The following UBR3 variants were observed in gnomAD, a reference collection of about 807,000 sequenced individuals.
UBR3 encodes ubiquitin protein ligase E3 component n-recognin 3, also known as E3 ubiquitin-protein ligase UBR3.
A neutral mutation model predicts 243.2 loss-of-function variants in UBR3; 85 were observed. The ratio of observed to expected loss-of-function variants is 0.35; its 90% confidence interval spans 0.29 to 0.42. The LOEUF is 0.42. Among genes scored for constraint, UBR3 ranks in the 10% least tolerant of loss-of-function variants. The probability of loss-of-function intolerance (pLI) is 1.00; values close to 1 mark genes in which losing one functional copy is unlikely to be tolerated. For missense variants in UBR3, 1,686 were observed against 2,300.8 expected, an observed-to-expected ratio of 0.73 and a Z score of 5.47; for synonymous variants, 748 against 799.8, an observed-to-expected ratio of 0.94 and a Z score of 1.09.
chr2:169,874,884 AT>A (rs1449065643), intron 2 of UBR3, among the ~76,000 whole-genome samples: 1 of 152,136 alleles, frequency 6.6e-6, no homozygotes, highest in Admixed American at 6.6e-5. Flanking sequence ...TTTTAAAAAA[AT>A]TATGGTTAAG....
At chr2:169,959,914 T>G (rs994973636) in intron 24 of UBR3, among the ~76,000 whole-genome samples, 2 of 152,162 alleles carry the variant, frequency 1.3e-5, no homozygotes, top group African/African-American at 4.8e-5. Context: ...CCTCTTGTGA[T>G]GGGTTGCAGT....
At chr2:170,039,217 C>T (rs2090905261) in intron 31 of UBR3, among the ~76,000 whole-genome samples, 1 of 151,994 alleles carries the variant, frequency 6.6e-6, no homozygotes, top group Non-Finnish European at 1.5e-5. Flanking sequence ...TCACAAAAGC[C>T]AAGAAAATTT....
chr2:169,838,809 G>C (rs773989299), intron 1 of UBR3, among the ~76,000 whole-genome samples: 2 of 152,180 alleles, frequency 1.3e-5, no homozygotes, highest in African/African-American at 2.4e-5. Context: ...CAGATACGGT[G>C]AGACTCAAAG....
intron 33 of UBR3, among the ~76,000 whole-genome samples, chr2:170,056,003 C>CTTTTTTTTTTTTTTTTTTTTTTTTT (rs34415442): frequency 2.2e-5 from 2 of 88,916 alleles, no homozygotes; most frequent in African/African-American, 3.9e-5. Flanking sequence ...TCTTTTCTTT[C>CTTTTTTTTTTTTTTTTTTTTTTTTT]TTTTTTTTTT....
Position 169,890,563 on chromosome 2 carries a change from A to ATATATGTG in UBR3, c.1039-601_1039-600insATATGTGT, listed in dbSNP as rs1255881148. Among the ~76,000 whole-genome samples, 686 of 83,826 alleles carry ATATATGTG rather than the reference A, an allele frequency of 8.2e-3. 41 individuals are homozygous for ATATATGTG. The highest frequency in any genetic ancestry group is 0.011 in the African/African-American group (208 of 19,710). The allele number at this position is 83,826 out of a possible 152,430, so 55.0% of individuals were successfully genotyped here. A position where few individuals can be genotyped will look rare whatever the true frequency, so the allele number is the denominator to read the frequency against. On this transcript the variant is annotated intron_variant, in intron 5 of 38. Transcript: ENST00000272793. ...GAGATATATATATATATATATATATATGTGTATATATATATATGTATATAT... is the reference window on the plus strand; with the variant it reads ...GAGATATATATATATATATATATATATATATGTGTGTGTATATATATATATGTATATAT...
chr2:170,069,510 T>C (rs889339429), intron 35 of UBR3, among the ~76,000 whole-genome samples: 2 of 152,104 alleles, frequency 1.3e-5, no homozygotes, highest in African/African-American at 4.8e-5. Flanking sequence ...TTATTAAATA[T>C]AGTCATCATG....
At chr2:170,001,682 G>A (rs1345085860) in intron 27 of UBR3, among the ~76,000 whole-genome samples, 1 of 151,928 alleles carries the variant, frequency 6.6e-6, no homozygotes, top group East Asian at 1.9e-4. Flanking sequence ...GATCACTTGA[G>A]GTCAGGAGTT....
intron 24 of UBR3, among the ~76,000 whole-genome samples, chr2:169,962,722 AT>A (rs1446812421): frequency 6.6e-6 from 1 of 150,846 alleles, no homozygotes; most frequent in East Asian, 1.9e-4. Context: ...TTCTCTAAAA[AT>A]CTTTCTGAAA....
At chr2:169,956,207 TC>T (rs1353396218) in intron 23 of UBR3, among the ~76,000 whole-genome samples, 1 of 130,064 alleles carries the variant, frequency 7.7e-6, no homozygotes, top group Non-Finnish European at 1.8e-5. Context: ...CCTATAACTC[TC>T]TCTCTCTCTC....
At chr2:169,971,587 T>C (rs1313137766) in intron 24 of UBR3, among the ~76,000 whole-genome samples, 1 of 152,152 alleles carries the variant, frequency 6.6e-6, no homozygotes. Context: ...TAGGGAATCC[T>C]TTCCCCATTG....
intron 8 of UBR3, among the ~76,000 whole-genome samples, chr2:169,903,494 T>C (rs1559077596): frequency 6.6e-6 from 1 of 152,216 alleles, no homozygotes; most frequent in South Asian, 2.1e-4. Context: ...TACTTCCTCA[T>C]TGAGTTAGAC....
intron 1 of UBR3, among the ~76,000 whole-genome samples, chr2:169,863,806 C>T (rs998319394): frequency 2.2e-4 from 34 of 152,066 alleles, no homozygotes; most frequent in South Asian, 8.3e-4. Flanking sequence ...TCAATTTAGG[C>T]GTTATAAATG....
chr2:169,881,815 ATATAAT>A (rs1275381487), intron 5 of UBR3, among the ~76,000 whole-genome samples: 3 of 138,742 alleles, frequency 2.2e-5, no homozygotes, highest in African/African-American at 2.6e-5. Flanking sequence ...TATAATATAC[ATATAAT>A]TATATATGTA....
chr2:169,930,666 T>C (rs960214508), intron 18 of UBR3, among the ~76,000 whole-genome samples: 7 of 152,196 alleles, frequency 4.6e-5, no homozygotes, highest in Non-Finnish European at 1.0e-4. Context: ...ATTGCAGGTG[T>C]GAACCGCCAT....
chr2:170,020,979 G>C (rs6728814), intron 30 of UBR3, among the ~76,000 whole-genome samples: 124,428 of 151,880 alleles, frequency 0.82, 51,285 homozygotes, highest in Middle Eastern at 0.9. Context: ...CGTTTGCACT[G>C]TGCTTGAACA....
At chr2:169,852,842 C>G (rs2082701484) in intron 1 of UBR3, among the ~76,000 whole-genome samples, 1 of 90,734 alleles carries the variant, frequency 1.1e-5, no homozygotes, top group African/African-American at 4.5e-5. Context: ...AAGAGTGAGA[C>G]TTCATCTCAA....
chr2:170,013,563 A>G (rs2090147151), intron 29 of UBR3, among the ~76,000 whole-genome samples: 2 of 152,198 alleles, frequency 1.3e-5, no homozygotes, highest in African/African-American at 2.4e-5. Context: ...ATAATCTGGA[A>G]TAATTAATTA....
chr2:169,957,319 C>T (rs1235897449), intron 23 of UBR3, among the ~76,000 whole-genome samples: 1 of 151,312 alleles, frequency 6.6e-6, no homozygotes, highest in Non-Finnish European at 1.5e-5. Context: ...CTTTGGATGT[C>T]CATCAGTGAT....
chr2:170,030,191 C>T (rs958323109), intron 31 of UBR3, among the ~76,000 whole-genome samples: 5 of 152,048 alleles, frequency 3.3e-5, no homozygotes, highest in African/African-American at 1.2e-4. Context: ...GACTTTTGTA[C>T]TTTTGACATG....
Sources: allele counts gnomAD v4.1 joint callset (sites outside exome capture counted in the v4.1 genomes callset), GRCh38; gene constraint gnomAD v4.1.1; transcripts MANE v1.5; gene names NCBI Gene and HGNC (gene_info 2026-07-23, HGNC 2026-07-21).